DYNC2H1: variants seen among roughly 807,000 people sequenced by gnomAD.
DYNC2H1 encodes the protein dynein cytoplasmic 2 heavy chain 1, also known as cytoplasmic dynein 2 heavy chain 1.
A neutral mutation model predicts 570.0 loss-of-function variants in DYNC2H1; 410 were observed. The observed-to-expected ratio is 0.72, with a 90% CI of 0.66 to 0.78. The LOEUF is 0.78. Among genes scored for constraint, DYNC2H1 ranks in the 30% least tolerant of loss-of-function variants. DYNC2H1 has a pLI of 0.00. For missense variants in DYNC2H1, 4,865 were observed against 5,046.4 expected (o/e 0.96, Z 1.09); for synonymous variants, 1,688 against 1,677.6 (o/e 1.01, Z -0.15).
chr11:103,158,868 T>C (rs534721251), intron 27 of DYNC2H1, 42 bp from the exon 28 acceptor site: 3 of 1,515,500 alleles, frequency 2.0e-6, no homozygotes, highest in African/African-American at 1.4e-5. Context: ...ATCTTAATTA[T>C]CTGAAAAAAA....
In DYNC2H1 at chr11:103,188,764, T is replaced by A; in HGVS notation, c.7292+116T>A. ...ATTTAGAATATAAAAATGGTCAAACTTAACCTCTGATATTTTTTCCTACCC... is the reference window on the plus strand; with the variant it reads ...ATTTAGAATATAAAAATGGTCAAACATAACCTCTGATATTTTTTCCTACCC... On this transcript the variant is annotated intron_variant, in intron 44 of 88. Coordinates refer to ENST00000375735, the MANE Select transcript of DYNC2H1 (RefSeq NM_001377.3). 3.4e-6 allele frequency: 3 copies of A among 871,984 alleles called. No homozygotes were observed. In the East Asian group the frequency reaches 9.6e-5, roughly 28 times the overall value. 54.0% of individuals were successfully genotyped at this position (871,984 alleles called of 1,614,324 possible).
In DYNC2H1 at chr11:103,249,754, T is replaced by C. The variant is rs2135243724; in HGVS notation, c.10043-3531T>C. ...GTTTGAGCACAAAAAACAGGAACAC[T>C]TTCCATAACACAAAAATAACCAAAC... On this transcript the variant is annotated intron_variant, in intron 65 of 88. Transcript: ENST00000375735. This position sits in a 1 kb window ranked among gnomAD's most constrained non-coding sequence, Gnocchi z 4.6. Among the ~76,000 whole-genome samples the C allele has an allele frequency of 6.6e-6, 1 of 152,088 alleles. No individual in the cohort carries two copies. The highest frequency in any genetic ancestry group is 1.9e-4 in the East Asian group (1 of 5,180).
Position 103,461,599 on chromosome 11 carries a change from G to A in DYNC2H1, c.12648+5243G>A, listed in dbSNP as rs1247214494. ...GCCCTAGCAACACTTCGAGTGCTCA[G>A]TAGCCATATGCGGTATAGTATATAC... On this transcript the variant is annotated intron_variant, in intron 87 of 88. Coordinates refer to ENST00000375735, the MANE Select transcript of DYNC2H1 (RefSeq NM_001377.3). This position sits in a 1 kb window ranked among gnomAD's most constrained non-coding sequence, Gnocchi z 4.8. Among the ~76,000 whole-genome samples the A allele has an allele frequency of 6.6e-6, 1 of 152,160 alleles. No homozygotes were observed. The highest frequency in any genetic ancestry group is 1.5e-5 in the Non-Finnish European group (1 of 68,030).
intron 82 of DYNC2H1, among the ~76,000 whole-genome samples, chr11:103,338,947 G>C (rs1264620967): frequency 1.3e-5 from 2 of 152,146 alleles, no homozygotes; most frequent in African/African-American, 4.8e-5. Context: ...GGCCTTGTTT[G>C]TACCTGTCCT....
At chr11:103,225,866 A>G (rs1237014722) in intron 59 of DYNC2H1, among the ~76,000 whole-genome samples, 1 of 152,034 alleles carries the variant, frequency 6.6e-6, no homozygotes, top group Non-Finnish European at 1.5e-5. Flanking sequence ...CACAATATCG[A>G]TTCTGCCCAT....
intron 6 of DYNC2H1, among the ~76,000 whole-genome samples, chr11:103,119,634 C>G (rs775806547): frequency 6.6e-6 from 1 of 152,182 alleles, no homozygotes; most frequent in Non-Finnish European, 1.5e-5. Flanking sequence ...GCCACTGCAC[C>G]TGGCCAACTT....
At chr11:103,306,877 G>T (rs1388660645) in intron 77 of DYNC2H1, among the ~76,000 whole-genome samples, 1 of 152,092 alleles carries the variant, frequency 6.6e-6, no homozygotes, top group Admixed American at 6.6e-5. Flanking sequence ...TACAGAATTT[G>T]TACCTGCTCT....
At chr11:103,468,400 CAAAG>C (rs1196365851) in intron 87 of DYNC2H1, 185 bp from the exon 88 acceptor site, 37 of 431,448 alleles carry the variant, frequency 8.6e-5, no homozygotes, top group Admixed American at 8.0e-4. Flanking sequence ...AAATCAGTCT[CAAAG>C]AAGTTGACAG....
In DYNC2H1 at chr11:103,259,982, G is replaced by C. The variant is rs1414741757; in HGVS notation, c.10695+5G>C. Reference sequence around the variant, plus strand: ...ATATGTCGTTGTCTATTTAAGGTAAGAAGCATCATATTTTTCAAATATAAA... The same window carrying C: ...ATATGTCGTTGTCTATTTAAGGTAACAAGCATCATATTTTTCAAATATAAA... On this transcript the variant is annotated splice_donor_5th_base_variant and intron_variant, in intron 70 of 88. Transcript: ENST00000375735. 6.8e-7 allele frequency: 1 copy of C among 1,468,114 alleles called. No individual in the cohort carries two copies. Among genetic ancestry groups the C allele is most frequent in the South Asian group, 1.4e-5 (1 of 72,888 alleles). The allele number at this position is 1,468,114 out of a possible 1,614,324, so 90.9% of individuals were successfully genotyped here. A position where few individuals can be genotyped will look rare whatever the true frequency, so the allele number is the denominator to read the frequency against.
Position 103,188,657 on chromosome 11 carries a change from C to G in DYNC2H1, c.7292+9C>G, listed in dbSNP as rs745785674. On this transcript the variant is annotated intron_variant, in intron 44 of 88. Transcript: ENST00000375735. Reference sequence around the variant, plus strand: ...CGTCTTTGTTCTATAGAGTATGTATCTTTGTGTTTCAGATTTTTTAATTTG... The same window carrying G: ...CGTCTTTGTTCTATAGAGTATGTATGTTTGTGTTTCAGATTTTTTAATTTG... 2.0e-6 allele frequency: 3 copies of G among 1,514,092 alleles called. No individual in the cohort carries two copies. The highest frequency in any genetic ancestry group is 2.7e-6 in the Non-Finnish European group (3 of 1,127,690). 93.8% of individuals were successfully genotyped at this position (1,514,092 alleles called of 1,614,324 possible).
chr11:103,214,789 CTTT>C (rs35102616), intron 54 of DYNC2H1, among the ~76,000 whole-genome samples: 12 of 139,814 alleles, frequency 8.6e-5, no homozygotes, highest in African/African-American at 3.2e-4. Flanking sequence ...ATGTCTTTCC[CTTT>C]TTTTTTTTTT....
rs528646311 is a variant in DYNC2H1 at position 103,275,711 on chromosome 11, T to A, written c.10696-4637T>A. Among the ~76,000 whole-genome samples the A allele has an allele frequency of 6.6e-6, 1 of 152,198 alleles. No individual in the cohort carries two copies. The highest frequency in any genetic ancestry group is 1.9e-4 in the East Asian group (1 of 5,196). On this transcript the variant is annotated intron_variant, in intron 70 of 88. Coordinates refer to ENST00000375735, the MANE Select transcript of DYNC2H1 (RefSeq NM_001377.3). The surrounding 1 kb of genome is among the most constrained non-coding windows in gnomAD (Gnocchi z 4.8). ...GGTGTAATATCTCATTTCTTTTTAA[T>A]GTTGATTAAAATTCCTTTATCTGGA...
Position 103,204,593 on chromosome 11 carries a change from CACTT to C in DYNC2H1, c.8312-226_8312-223del, listed in dbSNP as rs1228976660. Among the ~76,000 whole-genome samples the C allele has an allele frequency of 2.0e-5, 3 of 152,060 alleles. No homozygotes were observed. The East Asian group carries it at 5.8e-4, about 29-fold the overall frequency. ...TAATCACACCACCCAGACATTATGA[CACTT>C]ACATTTTTCATGGACATTTTTCTGA... On this transcript the variant is annotated intron_variant, in intron 51 of 88. Coordinates refer to ENST00000375735, the MANE Select transcript of DYNC2H1 (RefSeq NM_001377.3). The surrounding 1 kb of genome is among the most constrained non-coding windows in gnomAD (Gnocchi z 4.1).
chr11:103,283,109 A>G, intron 73 of DYNC2H1, 24 bp downstream of exon 73: 6 of 1,568,474 alleles, frequency 3.8e-6, no homozygotes, highest in Non-Finnish European at 5.2e-6. Flanking sequence ...ACTATGAGAC[A>G]TGTTTTAATT....
intron 61 of DYNC2H1, among the ~76,000 whole-genome samples, chr11:103,234,872 T>A (rs1227722256): frequency 1.3e-5 from 2 of 152,082 alleles, no homozygotes; most frequent in African/African-American, 2.4e-5. Flanking sequence ...CTCCTTTATT[T>A]TCTGTTTCAC....
chr11:103,351,867 G>A (rs2671347), intron 82 of DYNC2H1, among the ~76,000 whole-genome samples: 83,819 of 151,834 alleles, frequency 0.55, 24,882 homozygotes, highest in Admixed American at 0.66. Flanking sequence ...CATGTAAACT[G>A]TTGGTGCCTG....
At chr11:103,383,852 A>C (rs1941767420) in intron 83 of DYNC2H1, among the ~76,000 whole-genome samples, 1 of 152,170 alleles carries the variant, frequency 6.6e-6, no homozygotes, top group Non-Finnish European at 1.5e-5. Context: ...ACAGCTTGAT[A>C]GGCATGTTTT....
intron 65 of DYNC2H1, among the ~76,000 whole-genome samples, chr11:103,248,293 A>C (rs888501380): frequency 6.6e-6 from 1 of 152,000 alleles, no homozygotes; most frequent in Admixed American, 6.6e-5. Context: ...GACCATTATC[A>C]AAATTTTATC....
chr11:103,229,476 T>C (rs1429826553), intron 59 of DYNC2H1, among the ~76,000 whole-genome samples: 1 of 152,236 alleles, frequency 6.6e-6, no homozygotes, highest in East Asian at 1.9e-4. Context: ...TTTCCTTTCT[T>C]GTATACTTTT....
Sources: allele counts gnomAD v4.1 joint callset (sites outside exome capture counted in the v4.1 genomes callset), GRCh38; gene constraint gnomAD v4.1.1; non-coding constraint Gnocchi (gnomAD v3.1); transcripts MANE v1.5; gene names NCBI Gene and HGNC (gene_info 2026-07-23, HGNC 2026-07-21).